The following ALK variants were observed in gnomAD, a reference collection of about 807,000 sequenced individuals.
ALK encodes ALK tyrosine kinase receptor.
Under a neutral mutation model 163.1 loss-of-function variants are expected in ALK, and 74 were observed. The observed-to-expected ratio is 0.45, with a 90% CI of 0.38 to 0.55. The LOEUF (loss-of-function observed/expected upper bound fraction) is 0.55, where lower values mean the gene tolerates loss of function less well. Ranked by LOEUF, ALK falls within the 20% of genes least tolerant of loss-of-function variation. The pLI is 0.00. For missense variants in ALK, 2,063 were observed against 2,105.3 expected (o/e 0.98, Z 0.39); for synonymous variants, 960 against 843.2 (o/e 1.14, Z -2.40).
At chr2:29,473,913 A>G (rs1014576150) in intron 4 of ALK, among the ~76,000 whole-genome samples, 3 of 152,094 alleles carry the variant, frequency 2.0e-5, no homozygotes, top group African/African-American at 4.8e-5. Context: ...AAAAACAAAC[A>G]AACGAACAAA....
At chr2:29,821,452 G>A (rs114692387) in intron 1 of ALK, among the ~76,000 whole-genome samples, 1,884 of 152,232 alleles carry the variant, frequency 0.012, 36 homozygotes, top group African/African-American at 0.043. Flanking sequence ...TGCACAGATC[G>A]AAGTGAAGAG....
intron 1 of ALK, among the ~76,000 whole-genome samples, chr2:29,904,785 G>A (rs377251563): frequency 9.2e-5 from 14 of 152,280 alleles, no homozygotes; most frequent in Middle Eastern, 3.4e-3. Context: ...CCTTTCAGAA[G>A]TACAGGGGTT....
intron 3 of ALK, among the ~76,000 whole-genome samples, chr2:29,549,174 G>A (rs1341776225): frequency 4.0e-5 from 6 of 149,528 alleles, no homozygotes; most frequent in Admixed American, 6.7e-5. Context: ...ACACACACAC[G>A]GACACACACA....
intron 5 of ALK, among the ~76,000 whole-genome samples, chr2:29,346,096 G>A (rs1487251636): frequency 6.6e-6 from 1 of 152,208 alleles, no homozygotes; most frequent in African/African-American, 2.4e-5. Flanking sequence ...AGAAGCATGA[G>A]TGAGTCAGTC....
At chr2:29,782,831 G>C (rs1284155444) in intron 1 of ALK, among the ~76,000 whole-genome samples, 1 of 152,114 alleles carries the variant, frequency 6.6e-6, no homozygotes, top group Non-Finnish European at 1.5e-5. Flanking sequence ...CAAGAGTATA[G>C]ACAAATGAGC....
intron 1 of ALK, among the ~76,000 whole-genome samples, chr2:29,810,225 C>A (rs1002384585): frequency 1.3e-5 from 2 of 152,042 alleles, no homozygotes; most frequent in Admixed American, 6.5e-5. Context: ...AGCTCGAGAC[C>A]AGCCTGGCCA....
intron 4 of ALK, among the ~76,000 whole-genome samples, chr2:29,428,603 T>G (rs1382951568): frequency 6.6e-6 from 1 of 151,748 alleles, no homozygotes; most frequent in Non-Finnish European, 1.5e-5. Flanking sequence ...ACATAACAAA[T>G]AAAAAGATTA....
At chr2:29,301,182 A>G (rs936649187) in intron 8 of ALK, among the ~76,000 whole-genome samples, 1 of 152,158 alleles carries the variant, frequency 6.6e-6, no homozygotes, top group Non-Finnish European at 1.5e-5. Flanking sequence ...CTCTGCTTCT[A>G]TACTTTTTAT....
intron 3 of ALK, among the ~76,000 whole-genome samples, chr2:29,585,478 C>T (rs1446441011): frequency 6.6e-6 from 1 of 152,004 alleles, no homozygotes; most frequent in Admixed American, 6.6e-5. Context: ...AGGTGCGTGC[C>T]ACCACACCTG....
chr2:29,683,329 A>G (rs6547971), intron 3 of ALK, among the ~76,000 whole-genome samples: 5,439 of 152,202 alleles, frequency 0.036, 349 homozygotes, highest in African/African-American at 0.13. Context: ...GTGAGCTGAG[A>G]TGGTGTCACT....
chr2:29,507,660 C>G (rs1419881673), intron 4 of ALK, among the ~76,000 whole-genome samples: 2 of 152,190 alleles, frequency 1.3e-5, no homozygotes, highest in Non-Finnish European at 2.9e-5. Flanking sequence ...GGCCTCTGTG[C>G]TCAGGATAGC....
rs34017608 is a variant in ALK at position 29,676,390 on chromosome 2, A to AT, written c.952+18459dup. 1.1e-4 allele frequency among the ~76,000 whole-genome samples: 16 copies of AT among 152,076 alleles called. No homozygotes were observed. In the East Asian group the frequency reaches 2.1e-3, roughly 20 times the overall value. On this transcript the variant is annotated intron_variant, in intron 3 of 28. Coordinates refer to ENST00000389048, the MANE Select transcript of ALK (RefSeq NM_004304.5). ...TGGTATGAGGTCATATTCTAAGTTC[A>AT]TTTTTTTGTAAATGAATATCCAATT...
intron 2 of ALK, among the ~76,000 whole-genome samples, chr2:29,705,250 T>G (rs1678866743): frequency 2.9e-5 from 1 of 35,024 alleles, no homozygotes. Context: ...AATATATATA[T>G]ATATATATAT....
At chr2:29,839,684 C>A (rs370574177) in intron 1 of ALK, among the ~76,000 whole-genome samples, 4 of 152,066 alleles carry the variant, frequency 2.6e-5, no homozygotes, top group Admixed American at 6.6e-5. Flanking sequence ...CTGGAATGAC[C>A]TTTTCTTTAT....
intron 4 of ALK, among the ~76,000 whole-genome samples, chr2:29,416,312 C>T (rs932514956): frequency 1.3e-5 from 2 of 152,174 alleles, no homozygotes; most frequent in Non-Finnish European, 2.9e-5. Context: ...AACAAGAAGC[C>T]AGGGGCTTTG....
chr2:29,261,645 C>A (rs1023919158), intron 11 of ALK, among the ~76,000 whole-genome samples: 3 of 152,186 alleles, frequency 2.0e-5, no homozygotes, highest in Non-Finnish European at 2.9e-5. Flanking sequence ...TTCGATACAG[C>A]TCACTAAGTA....
chr2:29,509,613 A>G (rs1672454452), intron 4 of ALK, among the ~76,000 whole-genome samples: 1 of 152,172 alleles, frequency 6.6e-6, no homozygotes, highest in Non-Finnish European at 1.5e-5. Context: ...CAACTGCTTC[A>G]TCAAAGAACC....
intron 5 of ALK, among the ~76,000 whole-genome samples, chr2:29,359,545 A>C (rs1034769963): frequency 2.0e-5 from 3 of 152,206 alleles, no homozygotes; most frequent in Non-Finnish European, 4.4e-5. Flanking sequence ...AAAAGGAGAA[A>C]GTCAGGCTTA....
intron 1 of ALK, among the ~76,000 whole-genome samples, chr2:29,870,435 C>G (rs1394195767): frequency 6.6e-6 from 1 of 152,062 alleles, no homozygotes; most frequent in Non-Finnish European, 1.5e-5. Context: ...ATCATGAGAA[C>G]AGCAAGGGGG....
Sources: gnomAD v4.1 joint callset for allele counts (sites outside exome capture counted in the v4.1 genomes callset) on GRCh38, gnomAD v4.1.1 for gene constraint, MANE v1.5 for transcripts, NCBI Gene and HGNC (gene_info 2026-07-23, HGNC 2026-07-21) for gene names.